The following FAM156A variants were observed in gnomAD, a reference collection of about 807,000 sequenced individuals.
FAM156A encodes protein FAM156A/FAM156B.
chrX:52,989,335 AG>A (rs1313453620), intron 1 of FAM156A, among the ~76,000 whole-genome samples: 21 of 112,076 alleles, frequency 1.9e-4, no homozygotes, highest in African/African-American at 5.8e-4. Context: ...GAGCACTTCC[AG>A]GAAGGCAGCC....
chrX:52,977,568 C>T (rs1038442553), intron 1 of FAM156A, among the ~76,000 whole-genome samples: 1 of 111,128 alleles, frequency 9.0e-6, no homozygotes, highest in South Asian at 3.8e-4. Context: ...CCCTGAGTAG[C>T]TGGGAATACA....
chrX:52,974,793 T>C (rs5951142), intron 1 of FAM156A, among the ~76,000 whole-genome samples: 12,304 of 110,461 alleles, frequency 0.11, 549 homozygotes, highest in Non-Finnish European at 0.14. Context: ...CAGGTCACAG[T>C]GCTCCCATAA....
At chrX:52,991,856 G>A (rs1930800623) in intron 1 of FAM156A, among the ~76,000 whole-genome samples, 2 of 109,800 alleles carry the variant, frequency 1.8e-5, no homozygotes, top group African/African-American at 3.4e-5. Context: ...CACTGCTCTC[G>A]GTGACTGACC....
chrX:52,977,718 G>A (rs1929591871), intron 1 of FAM156A, among the ~76,000 whole-genome samples: 1 of 111,742 alleles, frequency 8.9e-6, no homozygotes, highest in Admixed American at 9.5e-5. Context: ...TTATAGGTGT[G>A]AGCCATCATG....
chrX:52,988,202 C>T (rs1255800312), intron 1 of FAM156A, among the ~76,000 whole-genome samples: 1 of 105,946 alleles, frequency 9.4e-6, no homozygotes, highest in South Asian at 4.2e-4. Context: ...GCCGAGATCA[C>T]GCCACTGCAC....
intron 1 of FAM156A, among the ~76,000 whole-genome samples, chrX:52,973,726 G>A (rs1161190037): frequency 8.9e-6 from 1 of 111,939 alleles, no homozygotes; most frequent in African/African-American, 3.2e-5. Context: ...GCAGTGGCAC[G>A]ATCTCTGCTC....
intron 1 of FAM156A, among the ~76,000 whole-genome samples, chrX:52,990,264 T>A (rs1025268822): frequency 4.5e-5 from 5 of 111,858 alleles, no homozygotes; most frequent in Non-Finnish European, 9.4e-5. Context: ...GGCTGCACTG[T>A]GCCTGGAGAC....
At chrX:52,978,351 T>C (rs1317354963) in intron 1 of FAM156A, among the ~76,000 whole-genome samples, 1 of 111,986 alleles carries the variant, frequency 8.9e-6, no homozygotes, top group Non-Finnish European at 1.9e-5. Context: ...TTAGAATTTA[T>C]TGGAAACTGA....
chrX:52,989,741 G>A lies in FAM156A; in HGVS notation c.-434+5565C>T, dbSNP rs1016459610. ...CCCTGGGAGAGGACAGGGTGGAGGC[G>A]GAGCCGGCAGCTGGCCAGGATCTGG... On this transcript the variant is annotated intron_variant, in intron 1 of 4. Coordinates refer to the FAM156A transcript ENST00000610625. Among the ~76,000 whole-genome samples the A allele has an allele frequency of 8.0e-5, 9 of 111,967 alleles. No individual in the cohort carries two copies. In the East Asian group the frequency reaches 8.5e-4, roughly 11 times the overall value.
chrX:52,988,272 AGAAAG>A (rs1344839019), intron 1 of FAM156A, among the ~76,000 whole-genome samples: 1 of 110,903 alleles, frequency 9.0e-6, no homozygotes, highest in Non-Finnish European at 1.9e-5. Flanking sequence ...AGAAAAGAAA[AGAAAG>A]GAAAAGAAAA....
intron 1 of FAM156A, chrX:52,995,243 T>A (rs1175917047): frequency 8.9e-6 from 1 of 112,220 alleles, no homozygotes; most frequent in Non-Finnish European, 1.9e-5. Flanking sequence ...GATGGTGCCG[T>A]GCCAAAAGCG....
At chrX:52,992,836 C>T (rs782071441) in intron 1 of FAM156A, among the ~76,000 whole-genome samples, 2 of 111,285 alleles carry the variant, frequency 1.8e-5, no homozygotes, top group South Asian at 7.7e-4. Context: ...TGCCTTCCCA[C>T]TGGAAGTAGA....
intron 1 of FAM156A, among the ~76,000 whole-genome samples, chrX:52,979,689 A>G (rs1393829259): frequency 9.0e-6 from 1 of 111,561 alleles, no homozygotes. Flanking sequence ...CATCCTGAGC[A>G]TCAATGTCCC....
At chrX:52,993,604 G>A (rs1191024307) in intron 1 of FAM156A, among the ~76,000 whole-genome samples, 1 of 109,445 alleles carries the variant, frequency 9.1e-6, no homozygotes, top group Non-Finnish European at 1.9e-5. Flanking sequence ...CAGTAGAGAC[G>A]GGGTTTCATC....
At position 52,979,407 on chromosome X, in the gene FAM156A, G is replaced by A. The variant is rs1258396609; in HGVS notation, c.-433-15172C>T. 3.6e-5 allele frequency among the ~76,000 whole-genome samples: 4 copies of A among 111,143 alleles called. No homozygotes were observed. The East Asian group carries it at 8.5e-4, about 24-fold the overall frequency. ...CCAGCCTTGGTTTCCTTCTTGCACC[G>A]TCATTTCCTTCAACGGGAGCCTAGA... On this transcript the variant is annotated intron_variant, in intron 1 of 4. Coordinates refer to the FAM156A transcript ENST00000610625.
chrX:52,984,072 A>G (rs1556793921), intron 1 of FAM156A, among the ~76,000 whole-genome samples: 2 of 111,718 alleles, frequency 1.8e-5, no homozygotes, highest in Admixed American at 9.5e-5. Flanking sequence ...CACAGGACTC[A>G]CAGTCAGCAT....
At chrX:52,991,135 G>C (rs1930737432) in intron 1 of FAM156A, among the ~76,000 whole-genome samples, 1 of 111,757 alleles carries the variant, frequency 8.9e-6, no homozygotes, top group African/African-American at 3.3e-5. Flanking sequence ...CAGAACCAAA[G>C]AGGGGACTTG....
intron 1 of FAM156A, among the ~76,000 whole-genome samples, chrX:52,978,197 C>T (rs1929624333): frequency 9.0e-6 from 1 of 111,486 alleles, no homozygotes; most frequent in African/African-American, 3.3e-5. Flanking sequence ...AATGTGCCCT[C>T]CCCCTGCCCC....
intron 1 of FAM156A, among the ~76,000 whole-genome samples, chrX:52,990,898 C>T (rs1930716385): frequency 9.1e-6 from 1 of 109,872 alleles, no homozygotes; most frequent in African/African-American, 3.3e-5. Context: ...AGAGGAGGAC[C>T]AGGAAGGCCT....
Sources: gnomAD v4.1 joint callset for allele counts (sites outside exome capture counted in the v4.1 genomes callset) on GRCh38, gnomAD v4.1.1 for gene constraint, MANE v1.5 for transcripts, NCBI Gene and HGNC (gene_info 2026-07-23, HGNC 2026-07-21) for gene names.